The following CRACD variants were observed in gnomAD, a reference collection of about 807,000 sequenced individuals.
CRACD encodes capping protein-inhibiting regulator of actin dynamics.
CRACD carries 56 observed loss-of-function variants against 106.8 expected under a neutral mutation model. The observed-to-expected ratio is 0.52, with a 90% CI of 0.42 to 0.66. CRACD has a LOEUF of 0.66. CRACD is among the 30% of genes least tolerant of loss of function. The probability of loss-of-function intolerance (pLI) is 0.00; values close to 1 mark genes in which losing one functional copy is unlikely to be tolerated. For missense variants in CRACD, 1,730 were observed against 1,623.2 expected, an observed-to-expected ratio of 1.07 and a Z score of -1.13; for synonymous variants, 754 against 670.8, an observed-to-expected ratio of 1.12 and a Z score of -1.92.
intron 3 of CRACD, among the ~76,000 whole-genome samples, chr4:56,273,936 T>C (rs1742518984): frequency 6.6e-6 from 1 of 152,246 alleles, no homozygotes; most frequent in South Asian, 2.1e-4. Context: ...AAGTAAATTC[T>C]AATGAACACT....
intron 1 of CRACD, among the ~76,000 whole-genome samples, chr4:56,085,987 C>T (rs1461576014): frequency 6.6e-6 from 1 of 152,126 alleles, no homozygotes; most frequent in East Asian, 1.9e-4. Context: ...TTCTTCAATT[C>T]TCCCTGCATG....
intron 10 of CRACD, among the ~76,000 whole-genome samples, chr4:56,326,372 C>A: frequency 6.6e-6 from 1 of 152,146 alleles, no homozygotes; most frequent in East Asian, 1.9e-4. Context: ...GAGTTTCTTT[C>A]AAAATAAAGT....
intron 1 of CRACD, among the ~76,000 whole-genome samples, chr4:56,081,126 G>A (rs927797988): frequency 4.6e-5 from 7 of 152,152 alleles, no homozygotes; most frequent in Non-Finnish European, 7.4e-5. Flanking sequence ...CCAAGGTGTT[G>A]GGATTATAGG....
intron 1 of CRACD, among the ~76,000 whole-genome samples, chr4:56,136,530 G>C (rs1432149420): frequency 6.6e-6 from 1 of 152,084 alleles, no homozygotes; most frequent in Non-Finnish European, 1.5e-5. Context: ...ACATCTTTTC[G>C]TGTACTTGTG....
intron 1 of CRACD, among the ~76,000 whole-genome samples, chr4:56,104,096 C>T (rs1733866329): frequency 6.6e-6 from 1 of 152,174 alleles, no homozygotes; most frequent in Admixed American, 6.5e-5. Flanking sequence ...TCTTAATTCA[C>T]TATCGAAAAA....
chr4:56,070,956 C>G (rs1176158995), intron 1 of CRACD, among the ~76,000 whole-genome samples: 1 of 149,640 alleles, frequency 6.7e-6, no homozygotes, highest in Non-Finnish European at 1.5e-5. Flanking sequence ...TTTTGCCTAG[C>G]AGCTGCCCTG....
At chr4:56,183,090 G>A (rs1353201498) in intron 2 of CRACD, among the ~76,000 whole-genome samples, 2 of 151,634 alleles carry the variant, frequency 1.3e-5, no homozygotes, top group Admixed American at 6.6e-5. Flanking sequence ...AAAATTAGCC[G>A]GGCATGGTGG....
chr4:56,311,029 C>A (rs1295485313), intron 6 of CRACD: 2 of 314,544 alleles, frequency 6.4e-6, no homozygotes, highest in African/African-American at 4.3e-5. Context: ...CTTCAAGATC[C>A]TGTTAATTGA....
chr4:56,319,251 C>T (rs539206737), intron 8 of CRACD, among the ~76,000 whole-genome samples: 18 of 152,260 alleles, frequency 1.2e-4, no homozygotes, highest in Admixed American at 1.2e-3. Flanking sequence ...TTTGTTATTA[C>T]ATGGCCTTTG....
At chr4:56,261,968 G>T (rs1476290225) in intron 2 of CRACD, among the ~76,000 whole-genome samples, 2 of 152,096 alleles carry the variant, frequency 1.3e-5, no homozygotes, top group Non-Finnish European at 2.9e-5. Context: ...AAACCACAGG[G>T]ATTATGGGGA....
intron 1 of CRACD, among the ~76,000 whole-genome samples, chr4:56,084,236 C>T (rs949945202): frequency 2.0e-5 from 3 of 152,228 alleles, no homozygotes; most frequent in East Asian, 1.9e-4. Flanking sequence ...TGAAAAGTCA[C>T]GAACTACGTT....
intron 1 of CRACD, among the ~76,000 whole-genome samples, chr4:56,076,377 A>T (rs1732838912): frequency 6.6e-6 from 1 of 152,228 alleles, no homozygotes; most frequent in Non-Finnish European, 1.5e-5. Context: ...AAAAAGGCTG[A>T]GGAGCACTGA....
intron 1 of CRACD, among the ~76,000 whole-genome samples, chr4:56,164,186 G>A: frequency 6.7e-6 from 1 of 150,316 alleles, no homozygotes; most frequent in East Asian, 2.0e-4. Context: ...CCAGGCTGGA[G>A]TGCAGTGGCG....
intron 1 of CRACD, among the ~76,000 whole-genome samples, chr4:56,165,925 A>G (rs1178959410): frequency 6.6e-6 from 1 of 152,190 alleles, no homozygotes; most frequent in Non-Finnish European, 1.5e-5. Flanking sequence ...TAGTAGCACA[A>G]TTATAGCTTA....
At chr4:56,215,588 C>T (rs1182507069) in intron 2 of CRACD, among the ~76,000 whole-genome samples, 1 of 152,144 alleles carries the variant, frequency 6.6e-6, no homozygotes, top group Non-Finnish European at 1.5e-5. Context: ...TCTTGAGAAA[C>T]GAGTCTAAGT....
chr4:56,249,660 T>C (rs1193682081), intron 2 of CRACD, among the ~76,000 whole-genome samples: 2 of 152,172 alleles, frequency 1.3e-5, no homozygotes, highest in East Asian at 3.8e-4. Context: ...AGAGACCCCT[T>C]GGAGTATTTT....
At chr4:56,243,027 C>T (rs1740458030) in intron 2 of CRACD, among the ~76,000 whole-genome samples, 1 of 152,142 alleles carries the variant, frequency 6.6e-6, no homozygotes, top group South Asian at 2.1e-4. Flanking sequence ...CTCCTGATGT[C>T]CCCCACTGTC....
chr4:56,098,676 A>G (rs1486553735), intron 1 of CRACD, among the ~76,000 whole-genome samples: 2 of 152,150 alleles, frequency 1.3e-5, no homozygotes, highest in Non-Finnish European at 2.9e-5. Flanking sequence ...GGAGACCTCC[A>G]CATTGAAACT....
chr4:56,329,982 G>A lies in CRACD; in HGVS notation c.*2178G>A, dbSNP rs1206992585. On this transcript the variant is annotated 3_prime_UTR_variant, in exon 11 of 11. Transcript: ENST00000682029. The stretch of plus-strand genomic sequence containing the variant: ...AAAAGAAGAGTATACTGAAGAAAGG[G>A]CAGTCACAATACTTACTTCTAACAG... 6.6e-6 allele frequency among the ~76,000 whole-genome samples: 1 copy of A among 152,106 alleles called. No individual in the cohort carries two copies. Among genetic ancestry groups the A allele is most frequent in the Admixed American group, 6.6e-5 (1 of 15,244 alleles).
Sources: gnomAD v4.1 joint callset for allele counts (sites outside exome capture counted in the v4.1 genomes callset) on GRCh38, gnomAD v4.1.1 for gene constraint, MANE v1.5 for transcripts, NCBI Gene and HGNC (gene_info 2026-07-23, HGNC 2026-07-21) for gene names.